The following CACNA1A variants were observed in gnomAD, a reference collection of about 807,000 sequenced individuals.
CACNA1A encodes the protein calcium voltage-gated channel subunit alpha1 A.
A neutral mutation model predicts 262.4 loss-of-function variants in CACNA1A; 57 were observed. The ratio of observed to expected loss-of-function variants is 0.22; its 90% CI spans 0.18 to 0.27. The LOEUF (loss-of-function observed/expected upper bound fraction) is 0.27. CACNA1A is among the 10% of genes least tolerant of loss of function. CACNA1A has a pLI of 1.00. For synonymous variants in CACNA1A, 1,431 were observed against 1,419.3 expected (o/e 1.01, Z -0.18); for missense variants, 2,526 against 3,562.8 (o/e 0.71, Z 7.41).
At chr19:13,372,878 T>C (rs954512446) in intron 3 of CACNA1A, among the ~76,000 whole-genome samples, 2 of 152,190 alleles carry the variant, frequency 1.3e-5, no homozygotes, top group African/African-American at 4.8e-5. Flanking sequence ...GTAAGGATGA[T>C]AGCAGTAGGT....
intron 22 of CACNA1A, among the ~76,000 whole-genome samples, chr19:13,281,731 T>C (rs976717875): frequency 3.2e-4 from 49 of 152,186 alleles, no homozygotes; most frequent in African/African-American, 1.2e-3. Flanking sequence ...TTCTATTTCT[T>C]GCCCTGGATG....
At position 13,486,420 on chromosome 19, in the gene CACNA1A, TAC is replaced by T. The variant is rs1568695441; in HGVS notation, c.293+19510_293+19511del. On this transcript the variant is annotated intron_variant, in intron 1 of 46. Coordinates refer to ENST00000360228, the MANE Select transcript of CACNA1A (RefSeq NM_001127222.2). ...TCTCTCTCTCTCTCACACACACACA[TAC>T]ACACACACGTCAGTTAAAGACTAAA... Among the ~76,000 whole-genome samples, 4 of 150,050 alleles carry T rather than the reference TAC, an allele frequency of 2.7e-5. No homozygotes were observed. The East Asian group carries it at 7.9e-4, about 30-fold the overall frequency.
intron 24 of CACNA1A, chr19:13,271,593 G>A (rs1244992027): frequency 6.6e-6 from 1 of 152,138 alleles, no homozygotes; most frequent in Non-Finnish European, 1.5e-5. Flanking sequence ...TTTAAAAGAG[G>A]AGGCTAATTT....
chr19:13,233,925 T>C (rs906650429), intron 34 of CACNA1A, among the ~76,000 whole-genome samples: 27 of 151,910 alleles, frequency 1.8e-4, no homozygotes, highest in African/African-American at 6.1e-4. Context: ...TCCTGGTGCA[T>C]CCTCGTTTTT....
chr19:13,282,706 G>C (rs564273569), intron 22 of CACNA1A, among the ~76,000 whole-genome samples: 1 of 151,906 alleles, frequency 6.6e-6, no homozygotes, highest in Non-Finnish European at 1.5e-5. Context: ...TTGGGGGGGC[G>C]CATTGTGAGG....
intron 7 of CACNA1A, among the ~76,000 whole-genome samples, 192 bp downstream of exon 7, chr19:13,335,614 C>T (rs2058550753): frequency 6.6e-6 from 1 of 152,210 alleles, no homozygotes; most frequent in African/African-American, 2.4e-5. Context: ...TGAACCCTCT[C>T]ACTGGGTACC....
intron 25 of CACNA1A, 47 bp from the exon 26 acceptor site, chr19:13,261,657 C>T (rs1343907280): frequency 1.3e-6 from 2 of 1,571,526 alleles, no homozygotes; most frequent in Non-Finnish European, 1.7e-6. Context: ...GGGACCTGCC[C>T]AACCTTCTGC....
rs983330064 is a variant in CACNA1A at position 13,330,809 on chromosome 19, A to C, written c.1256-476T>G. Among the ~76,000 whole-genome samples the C allele has an allele frequency of 2.0e-5, 3 of 152,092 alleles. No individual in the cohort carries two copies. In the East Asian group the frequency reaches 5.8e-4, roughly 29 times the overall value. ...TTTTGCCATGTTGGCCAGGCTGGTCAAACTCTTGACCTCAAGTGATTTGCC... is the reference window on the plus strand; with the variant it reads ...TTTTGCCATGTTGGCCAGGCTGGTCCAACTCTTGACCTCAAGTGATTTGCC... On this transcript the variant is annotated intron_variant, in intron 9 of 46. Transcript: ENST00000360228.
Position 13,347,378 on chromosome 19 carries a change from TAAG to T in CACNA1A, c.979-11472_979-11470del, listed in dbSNP as rs201130015. ...ACGGTGCCCGGCCATTCGGGGTGTA[TAAG>T]AAGAACTGCAACCTCTCATCTTGAC... On this transcript the variant is annotated intron_variant, in intron 6 of 46. Transcript: ENST00000360228. Among the ~76,000 whole-genome samples the T allele has an allele frequency of 7.6e-3, 1,158 of 152,110 alleles. 6 individuals carry two copies. Among genetic ancestry groups the T allele is most frequent in the Non-Finnish European group, 0.013 (870 of 67,988 alleles).
rs1182196765 is a variant in CACNA1A at position 13,257,344 on chromosome 19, T to C, written c.4590+6A>G. 8 of 1,611,736 alleles carry C rather than the reference T, an allele frequency of 5.0e-6. No homozygotes were observed. The highest frequency in any genetic ancestry group is 1.6e-4 in the Middle Eastern group (1 of 6,070). On this transcript the variant is annotated splice_donor_region_variant and intron_variant, in intron 28 of 46. Coordinates refer to ENST00000360228, the MANE Select transcript of CACNA1A (RefSeq NM_001127222.2). Reference sequence around the variant, plus strand: ...TTTAAAGGACAGATGGAATTGGAAGTGGCACCTCATTTTTCTCCAGGCTGT... The same window carrying C: ...TTTAAAGGACAGATGGAATTGGAAGCGGCACCTCATTTTTCTCCAGGCTGT...
intron 3 of CACNA1A, among the ~76,000 whole-genome samples, chr19:13,402,743 C>CACATATATATACACACATATATAT: frequency 7.0e-6 from 1 of 143,022 alleles, no homozygotes; most frequent in South Asian, 2.2e-4. Flanking sequence ...CATATATATA[C>CACATATATATACACACATATATAT]ACATATATAT....
At position 13,448,356 on chromosome 19, in the gene CACNA1A, G is replaced by A. The variant is rs954690046; in HGVS notation, c.539+4520C>T. Among the ~76,000 whole-genome samples the A allele has an allele frequency of 1.9e-4, 29 of 152,138 alleles. 1 individual carries two copies. Among genetic ancestry groups the A allele is most frequent in the Non-Finnish European group, 1.5e-4 (10 of 68,036 alleles). ...ACGCACTGGGGCCTTTTGGAGGGTG[G>A]AGGGCGGGAGGAGGAAGATGATCAA... On this transcript the variant is annotated intron_variant, in intron 3 of 46. Transcript: ENST00000360228.
At position 13,214,022 on chromosome 19, in the gene CACNA1A, T is replaced by A; in HGVS notation, c.5940+211A>T. 1 of 562,902 alleles carries A rather than the reference T, an allele frequency of 1.8e-6. No homozygotes were observed. The highest frequency in any genetic ancestry group is 2.1e-5 in the South Asian group (1 of 47,656). 34.9% of individuals were successfully genotyped at this position (562,902 alleles called of 1,614,324 possible). ...TTGTAGAGATGGAGTCTCACTGTGT[T>A]GCCCAGGGTGGTCTCATCCTGGTCT... On this transcript the variant is annotated intron_variant, in intron 40 of 46. Coordinates refer to ENST00000360228, the MANE Select transcript of CACNA1A (RefSeq NM_001127222.2). The surrounding 1 kb of genome is among the most constrained non-coding windows in gnomAD (Gnocchi z 4.1).
chr19:13,472,051 C>T (rs1978285991), intron 1 of CACNA1A, among the ~76,000 whole-genome samples: 1 of 152,192 alleles, frequency 6.6e-6, no homozygotes, highest in Non-Finnish European at 1.5e-5. Context: ...GAGCCTCAAC[C>T]TTTGGGGCTC....
chr19:13,488,817 T>C (rs893982844), intron 1 of CACNA1A, among the ~76,000 whole-genome samples: 2 of 151,832 alleles, frequency 1.3e-5, no homozygotes, highest in Admixed American at 1.3e-4. Flanking sequence ...ATTCTGCATT[T>C]CCAACAAGCT....
chr19:13,209,921 G>C (rs1256268166), intron 44 of CACNA1A, among the ~76,000 whole-genome samples: 1 of 152,178 alleles, frequency 6.6e-6, no homozygotes, highest in African/African-American at 2.4e-5. Context: ...TGCTCTCCTG[G>C]GAGGGTGAGA....
Position 13,208,907 on chromosome 19 carries a change from T to C in CACNA1A, c.6629A>G (p.His2210Arg), listed in dbSNP as rs1002423867. The C allele has an allele frequency of 2.0e-6, 3 of 1,536,316 alleles. No homozygotes were observed. Among genetic ancestry groups the C allele is most frequent in the African/African-American group, 2.7e-5 (2 of 72,878 alleles). The change falls in exon 46 of 47, where the codon CAC becomes CGC. Residue 2210 changes from histidine (H) to arginine (R), a missense_variant. By Grantham distance (29) the His-to-Arg change is conservative. Around this residue, in one of 17 missense-constraint regions of CACNA1A, gnomAD observed 929 missense variants for 868.1 expected, o/e 1.07. Transcript: ENST00000360228. Reference protein sequence around the residue: ...GRPKDRKHRQHHHHHHHHHHP... With the variant: ...GRPKDRKHRQRHHHHHHHHHP... ...GTGGTGGTGGTGGTGGTGGTGGTGGTGCTGTCGATGCTTCCGATCCTTGGG... is the reference window on the plus strand; with the variant it reads ...GTGGTGGTGGTGGTGGTGGTGGTGGCGCTGTCGATGCTTCCGATCCTTGGG...
At position 13,212,515 on chromosome 19, in the gene CACNA1A, G is replaced by A. The variant is rs2144525195; in HGVS notation, c.6058C>T (p.His2020Tyr). The change falls in exon 42 of 47, where the codon CAC (histidine) becomes TAC (tyrosine). Residue 2020 changes from histidine to tyrosine, a missense_variant. Physicochemically the swap from His to Tyr is moderately conservative, Grantham distance 83. Transcript: ENST00000360228. The surrounding 1 kb of genome is among the most constrained non-coding windows in gnomAD (Gnocchi z 5.6). ...GGGCTCTCCTTGAGGCCGCTTTCGT[G>A]AGCCATCCTGCATGGGGGACAGAGG... ...QLDPGGALMA[H>Y]ESGLKESPSW... 6.4e-7 allele frequency: 1 copy of A among 1,571,512 alleles called. No homozygotes were observed. Among genetic ancestry groups the A allele is most frequent in the Non-Finnish European group, 8.6e-7 (1 of 1,158,022 alleles).
chr19:13,468,183 A>G (rs370186926), intron 1 of CACNA1A, among the ~76,000 whole-genome samples: 14 of 152,296 alleles, frequency 9.2e-5, no homozygotes, highest in African/African-American at 2.9e-4. Context: ...GTATTAATCA[A>G]TTTCAGACTC....
Sources: gnomAD v4.1 joint callset for allele counts (sites outside exome capture counted in the v4.1 genomes callset) on GRCh38, gnomAD v4.1.1 for gene constraint, gnomAD v4.1.1 regional missense constraint, Gnocchi (gnomAD v3.1) non-coding constraint, MANE v1.5 for transcripts, NCBI Gene and HGNC (gene_info 2026-07-23, HGNC 2026-07-21) for gene names.